POC5: variants seen among roughly 807,000 people sequenced by gnomAD.
POC5 encodes centrosomal protein POC5.
In POC5, 48 loss-of-function variants were observed where a neutral mutation model predicts 62.9. That is an observed-to-expected ratio of 0.76 (90% CI 0.61 to 0.97). POC5 has a LOEUF of 0.97. Among genes scored for constraint, POC5 ranks in the 50% least tolerant of loss-of-function variants. The pLI is 0.00. For missense variants in POC5, 696 were observed against 679.5 expected (o/e 1.02, Z -0.27); for synonymous variants, 236 against 228.2 (o/e 1.03, Z -0.31).
chr5:75,679,457 G>C (rs113326028), intron 10 of POC5, among the ~76,000 whole-genome samples: 4 of 152,144 alleles, frequency 2.6e-5, no homozygotes, highest in African/African-American at 9.7e-5. Context: ...AATGGGAAGA[G>C]AGTGGGCTTC....
intron 9 of POC5, 93 bp from the exon 10 acceptor site, chr5:75,685,577 G>T (rs2112099851): frequency 7.4e-7 from 1 of 1,342,562 alleles, no homozygotes; most frequent in Non-Finnish European, 1.0e-6. Flanking sequence ...CTAAAGTTTG[G>T]TCCTAACAAA....
At chr5:75,704,298 T>C (rs1462160032) in intron 4 of POC5, among the ~76,000 whole-genome samples, 1 of 152,226 alleles carries the variant, frequency 6.6e-6, no homozygotes, top group Non-Finnish European at 1.5e-5. Context: ...AGAGCTTTCT[T>C]CCTACTGAAG....
chr5:75,693,210 T>A (rs911782781), intron 6 of POC5, among the ~76,000 whole-genome samples: 29 of 150,046 alleles, frequency 1.9e-4, no homozygotes, highest in Non-Finnish European at 2.4e-4. Context: ...TATATGTTGA[T>A]GTACTTCTTC....
chr5:75,703,651 T>C (rs565277742), intron 4 of POC5, among the ~76,000 whole-genome samples: 1 of 152,086 alleles, frequency 6.6e-6, no homozygotes, highest in South Asian at 2.1e-4. Context: ...AAAAAACCTA[T>C]TAAAATTAAA....
At chr5:75,701,562 G>A (rs1776882041) in intron 5 of POC5, among the ~76,000 whole-genome samples, 1 of 127,176 alleles carries the variant, frequency 7.9e-6, no homozygotes, top group African/African-American at 3.0e-5. Context: ...ACACTCTGGG[G>A]ACTGTTGTTG....
chr5:75,693,032 A>T (rs1014682420), intron 6 of POC5, among the ~76,000 whole-genome samples: 1 of 147,266 alleles, frequency 6.8e-6, no homozygotes, highest in Non-Finnish European at 1.5e-5. Context: ...ATAACTATAT[A>T]TTATATATGT....
intron 6 of POC5, among the ~76,000 whole-genome samples, chr5:75,693,348 A>AT (rs905507451): frequency 2.0e-5 from 3 of 151,950 alleles, no homozygotes; most frequent in African/African-American, 7.2e-5. Flanking sequence ...TTAGAAAGAG[A>AT]TTTTGTAAAT....
At chr5:75,689,296 A>T in intron 8 of POC5, 131 bp from the exon 9 acceptor site, 1 of 1,335,750 alleles carries the variant, frequency 7.5e-7, no homozygotes, top group Non-Finnish European at 9.6e-7. Flanking sequence ...CTCTTCTGCT[A>T]TGTGCAATTT....
chr5:75,715,671 G>A (rs1043581854), intron 1 of POC5, among the ~76,000 whole-genome samples: 3 of 152,190 alleles, frequency 2.0e-5, no homozygotes, highest in Non-Finnish European at 2.9e-5. Context: ...TACCCGACTC[G>A]TATGCAATAT....
chr5:75,708,350 G>A (rs17563974), intron 2 of POC5, among the ~76,000 whole-genome samples: 25,678 of 151,966 alleles, frequency 0.17, 2,386 homozygotes, highest in South Asian at 0.21. Context: ...CTGTCTCTGG[G>A]GAAACAACAA....
chr5:75,712,877 T>A lies in POC5; in HGVS notation c.61A>T (p.Ser21Cys), dbSNP rs73766008. The change falls in exon 2 of 12, where the codon AGT (serine) becomes TGT (cysteine). Residue 21 changes from serine to cysteine, a missense_variant. Coordinates refer to ENST00000428202, the MANE Select transcript of POC5 (RefSeq NM_001099271.2). ...PVVQNDSSRG[S>C]SVSSNLQEEY... ...ACCTGAAGATTCGAAGAGACAGAAC[T>A]GCCTCGACTGGAGTCATTTTGCACA... 107 of 1,611,984 alleles carry A rather than the reference T, an allele frequency of 6.6e-5. No homozygotes were observed. The African/African-American group carries it at 1.3e-3, about 20-fold the overall frequency.
At chr5:75,678,228 C>G (rs1470301297) in intron 10 of POC5, among the ~76,000 whole-genome samples, 3 of 151,780 alleles carry the variant, frequency 2.0e-5, no homozygotes, top group African/African-American at 7.3e-5. Context: ...TAGAAAGACA[C>G]AGAGATCATA....
chr5:75,704,014 G>A (rs916075869), intron 4 of POC5, among the ~76,000 whole-genome samples: 17 of 151,756 alleles, frequency 1.1e-4, no homozygotes, highest in African/African-American at 4.1e-4. Flanking sequence ...AATTAGCCAG[G>A]CATGGTGGCA....
intron 5 of POC5, among the ~76,000 whole-genome samples, chr5:75,700,038 A>G (rs1416012776): frequency 2.0e-5 from 3 of 151,754 alleles, no homozygotes; most frequent in Non-Finnish European, 4.4e-5. Context: ...TTCAAGGAGA[A>G]CTACAGACCA....
chr5:75,704,796 T>C (rs1777051564), intron 4 of POC5, among the ~76,000 whole-genome samples: 1 of 152,178 alleles, frequency 6.6e-6, no homozygotes, highest in South Asian at 2.1e-4. Flanking sequence ...ACAAAAATGG[T>C]TACCACATTA....
chr5:75,696,239 T>C (rs1420409388), intron 5 of POC5: 1 of 153,056 alleles, frequency 6.5e-6, no homozygotes, highest in Non-Finnish European at 1.5e-5. Context: ...CCTGCCTCTG[T>C]AGGCTCCACC....
chr5:75,712,750 C>G, intron 2 of POC5, 104 bp downstream of exon 2: 1 of 896,522 alleles, frequency 1.1e-6, no homozygotes, highest in Non-Finnish European at 1.7e-6. Context: ...TTGAAAAACT[C>G]CCTTGTAAAT....
At chr5:75,714,859 G>A (rs6879267) in intron 1 of POC5, among the ~76,000 whole-genome samples, 11 of 152,146 alleles carry the variant, frequency 7.2e-5, no homozygotes, top group East Asian at 3.9e-4. Flanking sequence ...TTGTGGGAGC[G>A]CCGCACTGGA....
chr5:75,713,019 T>C (rs1777413147), intron 1 of POC5, 68 bp from the exon 2 acceptor site: 3 of 1,129,550 alleles, frequency 2.7e-6, no homozygotes, highest in Non-Finnish European at 3.9e-6. Flanking sequence ...TCCAGATATA[T>C]ATAAGTGCAA....
Sources: gnomAD v4.1 joint callset for allele counts (sites outside exome capture counted in the v4.1 genomes callset) on GRCh38, gnomAD v4.1.1 for gene constraint, MANE v1.5 for transcripts, NCBI Gene and HGNC (gene_info 2026-07-23, HGNC 2026-07-21) for gene names.